Variants in ZNF385D observed in about 807,000 individuals in gnomAD.
ZNF385D encodes the protein zinc finger protein 385D.
Under a neutral mutation model 35.8 loss-of-function variants are expected in ZNF385D, and 15 were observed. The observed-to-expected ratio is 0.42, with a 90% CI of 0.28 to 0.64. The LOEUF is 0.64. Among genes scored for constraint, ZNF385D ranks in the 30% least tolerant of loss-of-function variants. The pLI, the probability that ZNF385D is intolerant of heterozygous loss-of-function variation, is 0.23. For synonymous variants in ZNF385D, 212 were observed against 186.8 expected, an observed-to-expected ratio of 1.13 and a Z score of -1.10; for missense variants, 474 against 494.6, an observed-to-expected ratio of 0.96 and a Z score of 0.39.
chr3:22,024,653 A>T (rs1161890048), intron 3 of ZNF385D, among the ~76,000 whole-genome samples: 2 of 152,170 alleles, frequency 1.3e-5, no homozygotes, highest in Non-Finnish European at 2.9e-5. Flanking sequence ...GCTTGGCATG[A>T]ACTGTTTAGA....
intron 2 of ZNF385D, among the ~76,000 whole-genome samples, chr3:22,282,930 A>G (rs2728966): frequency 0.57 from 87,352 of 151,936 alleles, 27,481 homozygotes; most frequent in African/African-American, 0.85. Context: ...AGTATCTGCT[A>G]TCTTCAAGAG....
chr3:21,525,007 T>C (rs1046215403), intron 3 of ZNF385D, among the ~76,000 whole-genome samples: 2 of 152,216 alleles, frequency 1.3e-5, no homozygotes, highest in Non-Finnish European at 2.9e-5. Context: ...CACCACTACA[T>C]GATCTTACTT....
At chr3:21,424,320 T>TATATATATATATATATATATA (rs1418109308) in intron 6 of ZNF385D, among the ~76,000 whole-genome samples, 169 of 117,512 alleles carry the variant, frequency 1.4e-3, no homozygotes, top group Non-Finnish European at 2.1e-3. Context: ...TATATATATT[T>TATATATATATATATATATATA]TTTTTTTTTT....
Position 22,323,917 on chromosome 3 carries a change from C to T in ZNF385D, c.106+48533G>A, listed in dbSNP as rs193194323. On this transcript the variant is annotated intron_variant, in intron 2 of 5. Coordinates refer to the ZNF385D transcript ENST00000494108. ...AGCTGAAATACCCAAATTTGTCAGG[C>T]TTTGCCTTTAACTAATATATACTAT... is the stretch of plus-strand genomic sequence containing the variant. 8.5e-5 allele frequency among the ~76,000 whole-genome samples: 13 copies of T among 152,226 alleles called. No homozygotes were observed. In the East Asian group the frequency reaches 2.5e-3, roughly 29 times the overall value.
intron 3 of ZNF385D, among the ~76,000 whole-genome samples, chr3:22,122,019 T>A (rs1703114410): frequency 6.6e-6 from 1 of 152,150 alleles, no homozygotes; most frequent in East Asian, 1.9e-4. Flanking sequence ...ATTACTGAGA[T>A]GACACCAGCC....
intron 3 of ZNF385D, among the ~76,000 whole-genome samples, chr3:22,130,510 T>G (rs563499866): frequency 3.9e-5 from 6 of 152,162 alleles, no homozygotes; most frequent in Non-Finnish European, 7.3e-5. Context: ...TGGGTAGCGC[T>G]GGTCTAAATG....
rs924524495 is a variant in ZNF385D at position 21,539,180 on chromosome 3, T to A, written c.276+25394A>T. ...TGATCAACTCCTATCCCAGGAAGAT[T>A]CAAGACCACAGAGACATCAGTGAGC... On this transcript the variant is annotated intron_variant, in intron 3 of 7. Coordinates refer to ENST00000281523, the MANE Select transcript of ZNF385D (RefSeq NM_024697.3). The surrounding 1 kb of genome is among the most constrained non-coding windows in gnomAD (Gnocchi z 4.0). Among the ~76,000 whole-genome samples the A allele has an allele frequency of 6.6e-6, 1 of 151,750 alleles. No individual in the cohort carries two copies. Among genetic ancestry groups the A allele is most frequent in the Non-Finnish European group, 1.5e-5 (1 of 68,016 alleles).
chr3:22,197,557 A>C (rs1696502363), intron 2 of ZNF385D, among the ~76,000 whole-genome samples: 1 of 152,120 alleles, frequency 6.6e-6, no homozygotes, highest in African/African-American at 2.4e-5. Flanking sequence ...TGCCTCTTCC[A>C]GGGAATGGGC....
chr3:21,776,252 T>C (rs2336046), intron 3 of ZNF385D, among the ~76,000 whole-genome samples: 35,640 of 151,874 alleles, frequency 0.23, 4,364 homozygotes, highest in East Asian at 0.41. Context: ...TTTGTGCTTA[T>C]TACTTATTGT....
chr3:21,457,347 G>A (rs1463930803), intron 4 of ZNF385D, among the ~76,000 whole-genome samples: 1 of 18,920 alleles, frequency 5.3e-5, no homozygotes, highest in African/African-American at 8.4e-5. Flanking sequence ...TGTTGTTGTC[G>A]TTGTTGTTGT....
At chr3:21,809,316 C>G (rs1559643519) in intron 3 of ZNF385D, among the ~76,000 whole-genome samples, 1 of 151,772 alleles carries the variant, frequency 6.6e-6, no homozygotes, top group Non-Finnish European at 1.5e-5. Flanking sequence ...TGGTAAATAC[C>G]TAGGTAAATA....
intron 1 of ZNF385D, among the ~76,000 whole-genome samples, chr3:21,680,618 C>T (rs9863531): frequency 0.065 from 9,902 of 152,142 alleles, 380 homozygotes; most frequent in East Asian, 0.13. Context: ...AGGTAATATG[C>T]TCTACTAATC....
At chr3:22,231,119 G>C (rs962431874) in intron 2 of ZNF385D, among the ~76,000 whole-genome samples, 3 of 152,074 alleles carry the variant, frequency 2.0e-5, no homozygotes, top group Non-Finnish European at 4.4e-5. Context: ...TCAACAATAG[G>C]AACAGGGCAA....
chr3:21,475,877 A>G (rs2060532), intron 4 of ZNF385D, among the ~76,000 whole-genome samples: 16,703 of 152,094 alleles, frequency 0.11, 1,741 homozygotes, highest in East Asian at 0.39. Context: ...ATGGTTTGAT[A>G]TAAAATTATT....
At chr3:21,426,619 G>A (rs936278287) in intron 5 of ZNF385D, among the ~76,000 whole-genome samples, 2 of 151,578 alleles carry the variant, frequency 1.3e-5, no homozygotes, top group African/African-American at 2.4e-5. Flanking sequence ...TGTTCTTTCT[G>A]CCATTCTGAT....
At chr3:21,738,748 T>C (rs960957977) in intron 1 of ZNF385D, among the ~76,000 whole-genome samples, 1 of 152,174 alleles carries the variant, frequency 6.6e-6, no homozygotes, top group Admixed American at 6.5e-5. Context: ...TTAACTACAG[T>C]AAGCAGTGTT....
chr3:22,216,750 C>G (rs570100020), intron 2 of ZNF385D, among the ~76,000 whole-genome samples: 3 of 152,048 alleles, frequency 2.0e-5, no homozygotes, highest in Non-Finnish European at 4.4e-5. Context: ...ACCACACTTG[C>G]GAATTTCCTT....
intron 3 of ZNF385D, among the ~76,000 whole-genome samples, chr3:21,821,214 C>T (rs1694201414): frequency 6.6e-6 from 1 of 151,844 alleles, no homozygotes; most frequent in Non-Finnish European, 1.5e-5. Context: ...AAAAGTCTCA[C>T]TCATAAATTT....
chr3:22,365,026 T>C (rs76054555), intron 2 of ZNF385D, among the ~76,000 whole-genome samples: 2,068 of 152,162 alleles, frequency 0.014, 22 homozygotes, highest in Middle Eastern at 0.037. Flanking sequence ...TTACATGAGG[T>C]ACTTAAAGTA....
Sources: gnomAD v4.1 joint callset for allele counts (sites outside exome capture counted in the v4.1 genomes callset) on GRCh38, gnomAD v4.1.1 for gene constraint, Gnocchi (gnomAD v3.1) non-coding constraint, MANE v1.5 for transcripts, NCBI Gene and HGNC (gene_info 2026-07-23, HGNC 2026-07-21) for gene names.